DGKI: variants seen among roughly 807,000 people sequenced by gnomAD.
DGKI encodes DAG kinase iota.
A neutral mutation model predicts 147.5 loss-of-function variants in DGKI; 55 were observed. The ratio of observed to expected loss-of-function variants is 0.37; its 90% CI spans 0.30 to 0.47. DGKI has a LOEUF of 0.47. Ranked by LOEUF, DGKI falls within the 20% of genes least tolerant of loss-of-function variation. The pLI is 1.00. For synonymous variants in DGKI, 469 were observed against 477.1 expected, an observed-to-expected ratio of 0.98 and a Z score of 0.22; for missense variants, 1,007 against 1,323.8, an observed-to-expected ratio of 0.76 and a Z score of 3.71.
intron 32 of DGKI, among the ~76,000 whole-genome samples, chr7:137,392,813 T>C (rs1288675591): frequency 2.0e-5 from 3 of 151,468 alleles, no homozygotes; most frequent in Non-Finnish European, 4.4e-5. Context: ...GGAACTGAAC[T>C]CTAATAGGAG....
intron 5 of DGKI, among the ~76,000 whole-genome samples, chr7:137,646,704 C>T (rs1321924414): frequency 3.3e-5 from 5 of 152,130 alleles, no homozygotes; most frequent in Non-Finnish European, 1.5e-5. Context: ...CTAGCCATAA[C>T]CCTTATTTTC....
chr7:137,667,656 CTGTATTTCTAG>C (rs147879089), intron 3 of DGKI, among the ~76,000 whole-genome samples: 5,885 of 152,194 alleles, frequency 0.039, 375 homozygotes, highest in African/African-American at 0.14. Context: ...ATATGGAATA[CTGTATTTCTAG>C]TTAAGAAGCG....
At chr7:137,620,307 A>G (rs890344047) in intron 7 of DGKI, among the ~76,000 whole-genome samples, 7 of 152,162 alleles carry the variant, frequency 4.6e-5, no homozygotes, top group Admixed American at 3.9e-4. Flanking sequence ...GGAGGGTTCT[A>G]TTAATCCTGA....
intron 12 of DGKI, among the ~76,000 whole-genome samples, chr7:137,591,339 A>G (rs561508773): frequency 6.6e-6 from 1 of 152,198 alleles, no homozygotes; most frequent in African/African-American, 2.4e-5. Flanking sequence ...TCATTCCATC[A>G]CCCTTGGAGT....
At chr7:137,743,057 A>C (rs1585433085) in intron 1 of DGKI, among the ~76,000 whole-genome samples, 1 of 152,224 alleles carries the variant, frequency 6.6e-6, no homozygotes, top group Non-Finnish European at 1.5e-5. Flanking sequence ...AATGATAAAG[A>C]ATTCAATTCA....
intron 21 of DGKI, 42 bp from the exon 22 acceptor site, chr7:137,487,731 G>T: frequency 6.4e-7 from 1 of 1,556,766 alleles, no homozygotes; most frequent in East Asian, 2.2e-5. Context: ...TAACATATTT[G>T]ATTTTTCTAT....
rs1798709704 is a variant in DGKI at position 137,846,134 on chromosome 7, T to TCTCTC, written c.401+327_401+328insGAGAG. On this transcript the variant is annotated intron_variant, in intron 1 of 32. Coordinates refer to ENST00000614521, the MANE Select transcript of DGKI (RefSeq NM_001321708.2). The surrounding 1 kb of genome is among the most constrained non-coding windows in gnomAD (Gnocchi z 4.0). Reference sequence around the variant, plus strand: ...TCTGCAACCCTTTCTCTCTCTCTCTTTCTCTCTCTCTCTCTCTCTCTCTCT... The same window carrying TCTCTC: ...TCTGCAACCCTTTCTCTCTCTCTCTTCTCTCTCTCTCTCTCTCTCTCTCTCTCTCT... Among the ~76,000 whole-genome samples the TCTCTC allele has an allele frequency of 2.9e-4, 25 of 85,376 alleles. No homozygotes were observed. The highest frequency in any genetic ancestry group is 8.3e-4 in the South Asian group (2 of 2,402). The allele number at this position is 85,376 out of a possible 152,430, so 56.0% of individuals were successfully genotyped here. A position where few individuals can be genotyped will look rare whatever the true frequency, so the allele number is the denominator to read the frequency against.
At chr7:137,803,915 A>G (rs1005003433) in intron 1 of DGKI, among the ~76,000 whole-genome samples, 1 of 152,184 alleles carries the variant, frequency 6.6e-6, no homozygotes, top group Admixed American at 6.5e-5. Flanking sequence ...CGTGAGGTAA[A>G]TAGTCCGGGC....
intron 1 of DGKI, among the ~76,000 whole-genome samples, chr7:137,835,309 C>T (rs147080179): frequency 5.4e-4 from 82 of 152,172 alleles, no homozygotes; most frequent in Admixed American, 1.2e-3. Flanking sequence ...GAACCGTGTG[C>T]GGCTCACGGA....
intron 30 of DGKI, among the ~76,000 whole-genome samples, chr7:137,400,008 C>T (rs1448297160): frequency 2.0e-5 from 3 of 152,130 alleles, no homozygotes; most frequent in Non-Finnish European, 4.4e-5. Context: ...CTTTAGATAG[C>T]ATGAAGTGTC....
chr7:137,680,845 T>C (rs185466238), intron 2 of DGKI, among the ~76,000 whole-genome samples: 1 of 152,140 alleles, frequency 6.6e-6, no homozygotes, highest in Non-Finnish European at 1.5e-5. Flanking sequence ...AAATACCAAG[T>C]GTCACCCATC....
intron 10 of DGKI, among the ~76,000 whole-genome samples, chr7:137,604,137 T>C (rs976040728): frequency 2.0e-5 from 3 of 152,180 alleles, no homozygotes; most frequent in Non-Finnish European, 4.4e-5. Flanking sequence ...CATCATTTGG[T>C]TGTTTTAATT....
chr7:137,832,108 G>C (rs1210780975), intron 1 of DGKI, among the ~76,000 whole-genome samples: 1 of 152,226 alleles, frequency 6.6e-6, no homozygotes, highest in Non-Finnish European at 1.5e-5. Flanking sequence ...TCTCCTGGCT[G>C]CTTCCACAGG....
intron 1 of DGKI, among the ~76,000 whole-genome samples, chr7:137,816,896 TTGTTGTGAGGGGCCATCC>T (rs1399912081): frequency 6.6e-6 from 1 of 152,144 alleles, no homozygotes; most frequent in Non-Finnish European, 1.5e-5. Flanking sequence ...AGAGAGTTCT[TTGTTGTGAGGGGCCATCC>T]TGTGCATTGC....
chr7:137,808,770 GA>G (rs2116990812), intron 1 of DGKI, among the ~76,000 whole-genome samples: 1 of 152,288 alleles, frequency 6.6e-6, no homozygotes, highest in South Asian at 2.1e-4. Flanking sequence ...AGAACATAAA[GA>G]GTGATGAGAA....
At chr7:137,655,465 T>C (rs2116249079) in intron 4 of DGKI, among the ~76,000 whole-genome samples, 1 of 152,316 alleles carries the variant, frequency 6.6e-6, no homozygotes, top group East Asian at 1.9e-4. Flanking sequence ...CCCAAAGTGC[T>C]GGGATTACAG....
intron 10 of DGKI, among the ~76,000 whole-genome samples, chr7:137,601,071 A>G (rs567191752): frequency 1.1e-3 from 163 of 152,210 alleles, no homozygotes; most frequent in South Asian, 3.1e-3. Context: ...GGAGATTGAG[A>G]CCATCCTGGC....
intron 1 of DGKI, among the ~76,000 whole-genome samples, chr7:137,701,189 T>G (rs1823970619): frequency 6.6e-6 from 1 of 151,928 alleles, no homozygotes; most frequent in Non-Finnish European, 1.5e-5. Context: ...AAAAAAAAAG[T>G]CCTCAGTCTG....
At chr7:137,698,047 T>C (rs1184690631) in intron 1 of DGKI, among the ~76,000 whole-genome samples, 1 of 151,160 alleles carries the variant, frequency 6.6e-6, no homozygotes, top group Non-Finnish European at 1.5e-5. Flanking sequence ...TAGATACAGA[T>C]ATATATAGAT....
Sources: gnomAD v4.1 joint callset for allele counts (sites outside exome capture counted in the v4.1 genomes callset) on GRCh38, gnomAD v4.1.1 for gene constraint, Gnocchi (gnomAD v3.1) non-coding constraint, MANE v1.5 for transcripts, NCBI Gene and HGNC (gene_info 2026-07-23, HGNC 2026-07-21) for gene names.